NSMCE1: variants seen among roughly 807,000 people sequenced by gnomAD.
NSMCE1 encodes the protein non-structural maintenance of chromosomes element 1 homolog.
Under a neutral mutation model 29.6 loss-of-function variants are expected in NSMCE1, and 18 were observed. The observed-to-expected ratio is 0.61, with a 90% confidence interval of 0.42 to 0.90. The LOEUF (loss-of-function observed/expected upper bound fraction) is 0.90, where lower values mean the gene tolerates loss of function less well. Among genes scored for constraint, NSMCE1 ranks in the 40% least tolerant of loss-of-function variants. NSMCE1 has a pLI of 0.00. For missense variants in NSMCE1, 314 were observed against 343.6 expected (o/e 0.91, Z 0.68); for synonymous variants, 124 against 133.4 (o/e 0.93, Z 0.49).
At chr16:27,244,542 C>T (rs973433118) in intron 2 of NSMCE1, among the ~76,000 whole-genome samples, 7 of 152,160 alleles carry the variant, frequency 4.6e-5, no homozygotes, top group Admixed American at 4.6e-4. Flanking sequence ...CCACACCAAG[C>T]TCCTCCCCAT....
intron 2 of NSMCE1, among the ~76,000 whole-genome samples, chr16:27,247,035 T>G (rs113807948): frequency 9.9e-5 from 15 of 151,526 alleles, no homozygotes; most frequent in Non-Finnish European, 1.5e-5. Context: ...AAATAGCACA[T>G]GTGGCTACTG....
At chr16:27,268,495 TGTTTTCTGCGGCCC>T (rs2084253372) in intron 1 of NSMCE1, 197 bp downstream of exon 1, 1 of 152,232 alleles carries the variant, frequency 6.6e-6, no homozygotes, top group Non-Finnish European at 1.5e-5. Flanking sequence ...CCCAGTCCGC[TGTTTTCTGCGGCCC>T]CTGTCTGGGC....
chr16:27,258,884 G>A (rs756574636), intron 1 of NSMCE1, among the ~76,000 whole-genome samples: 3 of 151,788 alleles, frequency 2.0e-5, no homozygotes, highest in Non-Finnish European at 2.9e-5. Context: ...CCAAGTAGCT[G>A]GAACTACAGG....
At chr16:27,263,664 A>G (rs1025722135) in intron 1 of NSMCE1, among the ~76,000 whole-genome samples, 2 of 152,240 alleles carry the variant, frequency 1.3e-5, no homozygotes. Context: ...TACCTATCTA[A>G]TAAACCTTCA....
intron 2 of NSMCE1, among the ~76,000 whole-genome samples, chr16:27,236,354 T>A (rs887915631): frequency 6.9e-6 from 1 of 145,476 alleles, no homozygotes; most frequent in East Asian, 2.0e-4. Flanking sequence ...TGGAGTGCAG[T>A]AGCACAGTCT....
At position 27,232,925 on chromosome 16, in the gene NSMCE1, A is replaced by T. The variant is rs766825143; in HGVS notation, c.483+76T>A. 342 of 1,506,302 alleles carry T rather than the reference A, an allele frequency of 2.3e-4. No individual in the cohort carries two copies. Among genetic ancestry groups the T allele is most frequent in the Non-Finnish European group, 3.1e-4 (337 of 1,096,904 alleles). 93.3% of individuals were successfully genotyped at this position (1,506,302 alleles called of 1,614,324 possible). A position where few individuals can be genotyped will look rare whatever the true frequency, so the allele number is the denominator to read the frequency against. On this transcript the variant is annotated intron_variant, in intron 5 of 7. Transcript: ENST00000361439. This position sits in a 1 kb window ranked among gnomAD's most constrained non-coding sequence, Gnocchi z 4.5. Reference sequence around the variant, plus strand: ...CGGGCTCCTCAGACATCAGTTGGCTACAAGTACGATTTTGGAGAAAAAACT... The same window carrying T: ...CGGGCTCCTCAGACATCAGTTGGCTTCAAGTACGATTTTGGAGAAAAAACT...
At chr16:27,235,331 G>A in intron 2 of NSMCE1, 32 bp from the exon 3 acceptor site, 4 of 1,607,636 alleles carry the variant, frequency 2.5e-6, no homozygotes, top group Non-Finnish European at 3.4e-6. Flanking sequence ...AAAGGGGGGT[G>A]ACCAGGGGGC....
intron 2 of NSMCE1, among the ~76,000 whole-genome samples, chr16:27,251,627 C>G (rs2084036847): frequency 1.3e-5 from 2 of 152,138 alleles, no homozygotes; most frequent in Non-Finnish European, 2.9e-5. Context: ...ATGCAGGTCT[C>G]ATAGAATTAG....
intron 1 of NSMCE1, among the ~76,000 whole-genome samples, chr16:27,267,109 A>T (rs1477367950): frequency 6.6e-6 from 1 of 152,138 alleles, no homozygotes; most frequent in Non-Finnish European, 1.5e-5. Flanking sequence ...TAAACCAATT[A>T]AAAAAACCTT....
chr16:27,226,038 G>A, intron 6 of NSMCE1, 192 bp from the exon 7 acceptor site: 2 of 624,016 alleles, frequency 3.2e-6, no homozygotes, highest in East Asian at 6.2e-5. Context: ...TTGTTGCGGT[G>A]GGTTTTACTA....
intron 1 of NSMCE1, among the ~76,000 whole-genome samples, chr16:27,267,580 CAAATCTAAAAAG>C (rs908624476): frequency 6.6e-6 from 1 of 150,396 alleles, no homozygotes; most frequent in Non-Finnish European, 1.5e-5. Flanking sequence ...CTGCAACCCT[CAAATCTAAAAAG>C]GTATGAATAC....
intron 1 of NSMCE1, among the ~76,000 whole-genome samples, chr16:27,261,359 C>A (rs941703059): frequency 1.3e-5 from 2 of 150,804 alleles, no homozygotes; most frequent in Admixed American, 6.6e-5. Flanking sequence ...TTTCCAAGAG[C>A]TAAAACTTAT....
At chr16:27,237,669 G>A (rs1436537367) in intron 2 of NSMCE1, among the ~76,000 whole-genome samples, 3 of 152,098 alleles carry the variant, frequency 2.0e-5, no homozygotes, top group East Asian at 1.9e-4. Context: ...TTCCACTAAC[G>A]AGGCCCCTCC....
chr16:27,243,332 C>A (rs1182731877), intron 2 of NSMCE1, among the ~76,000 whole-genome samples: 1 of 152,236 alleles, frequency 6.6e-6, no homozygotes, highest in Non-Finnish European at 1.5e-5. Flanking sequence ...CCCTGACCCA[C>A]CAGCTAAGCA....
In NSMCE1 at chr16:27,246,899, C is replaced by A. The variant is rs1308256389; in HGVS notation, c.136+10536G>T. 3.3e-5 allele frequency among the ~76,000 whole-genome samples: 5 copies of A among 152,098 alleles called. No homozygotes were observed. In the East Asian group the frequency reaches 9.6e-4, roughly 29 times the overall value. On this transcript the variant is annotated intron_variant, in intron 2 of 7. Coordinates refer to ENST00000361439, the MANE Select transcript of NSMCE1 (RefSeq NM_145080.4). ...AGAAACCTGGCTGACCCCATCAACA[C>A]CGTAGCCGACCTGGTAGGATGCAGA...
At chr16:27,228,925 G>A (rs1436781496) in intron 5 of NSMCE1, among the ~76,000 whole-genome samples, 3 of 121,964 alleles carry the variant, frequency 2.5e-5, no homozygotes, top group Non-Finnish European at 5.1e-5. Flanking sequence ...CCACCTCCCC[G>A]GCCTCCACCC....
chr16:27,234,154 C>T (rs1180710286), intron 4 of NSMCE1, 34 bp downstream of exon 4: 1 of 1,407,532 alleles, frequency 7.1e-7, no homozygotes, highest in Non-Finnish European at 1.0e-6. Context: ...CATAAGAAGC[C>T]CACCCAATGG....
At chr16:27,265,572 C>A (rs898508185) in intron 1 of NSMCE1, among the ~76,000 whole-genome samples, 1 of 152,194 alleles carries the variant, frequency 6.6e-6, no homozygotes, top group African/African-American at 2.4e-5. Flanking sequence ...GAAACTTCCA[C>A]ATTTGCCCTA....
At chr16:27,254,249 C>G (rs1260738988) in intron 2 of NSMCE1, among the ~76,000 whole-genome samples, 2 of 152,108 alleles carry the variant, frequency 1.3e-5, no homozygotes, top group African/African-American at 4.8e-5. Context: ...AGTTTTTTGG[C>G]ATTTTTCTTA....
Sources: allele counts gnomAD v4.1 joint callset (sites outside exome capture counted in the v4.1 genomes callset), GRCh38; gene constraint gnomAD v4.1.1; non-coding constraint Gnocchi (gnomAD v3.1); transcripts MANE v1.5; gene names NCBI Gene and HGNC (gene_info 2026-07-23, HGNC 2026-07-21).